RFXAP: variants seen among roughly 807,000 people sequenced by gnomAD.
The protein encoded by RFXAP is regulatory factor X-associated protein.
Under a neutral mutation model 25.7 loss-of-function variants are expected in RFXAP, and 21 were observed. That is an observed-to-expected ratio of 0.82 (90% CI 0.58 to 1.18). RFXAP has a LOEUF of 1.18. RFXAP is among the 50% of genes most tolerant of loss of function. The pLI, the probability that RFXAP is intolerant of heterozygous loss-of-function variation, is 0.00. For missense variants in RFXAP, 333 were observed against 363.0 expected, an observed-to-expected ratio of 0.92 and a Z score of 0.67; for synonymous variants, 161 against 152.2, an observed-to-expected ratio of 1.06 and a Z score of -0.43.
chr13:36,822,986 C>T (rs934758746), intron 1 of RFXAP, among the ~76,000 whole-genome samples: 1 of 152,154 alleles, frequency 6.6e-6, no homozygotes, highest in African/African-American at 2.4e-5. Context: ...GGAAACGTGA[C>T]TCAGTATAAA....
chr13:36,826,947 C>T (rs1051828009), intron 2 of RFXAP, among the ~76,000 whole-genome samples: 1 of 152,056 alleles, frequency 6.6e-6, no homozygotes, highest in Admixed American at 6.6e-5. Context: ...GCTATGCTCA[C>T]GCCACTGCAC....
intron 1 of RFXAP, among the ~76,000 whole-genome samples, chr13:36,821,074 G>A (rs184008307): frequency 3.2e-4 from 48 of 151,926 alleles, no homozygotes; most frequent in Non-Finnish European, 6.2e-4. Flanking sequence ...GCCAGGTATG[G>A]TGGCAAGTGC....
At chr13:36,820,697 A>C (rs1391832312) in intron 1 of RFXAP, among the ~76,000 whole-genome samples, 1 of 152,192 alleles carries the variant, frequency 6.6e-6, no homozygotes, top group Non-Finnish European at 1.5e-5. Context: ...AGTCTCAAAA[A>C]ACTTTTGGAT....
chr13:36,823,673 G>T (rs1313915243), intron 1 of RFXAP, among the ~76,000 whole-genome samples: 1 of 152,076 alleles, frequency 6.6e-6, no homozygotes, highest in Non-Finnish European at 1.5e-5. Context: ...AAAAATTAAA[G>T]AAATTAAGGT....
chr13:36,825,831 G>C (rs1593532305), intron 2 of RFXAP, among the ~76,000 whole-genome samples: 1 of 152,224 alleles, frequency 6.6e-6, no homozygotes, highest in Non-Finnish European at 1.5e-5. Flanking sequence ...GCAAAAATAT[G>C]TACAACAAAT....
Position 36,819,328 on chromosome 13 carries a change from G to A in RFXAP, c.-30G>A, listed in dbSNP as rs748771722. On this transcript the variant is annotated 5_prime_UTR_variant, in exon 1 of 3. Transcript: ENST00000255476. The stretch of plus-strand genomic sequence containing the variant: ...GGCCAAGCAGGTGCTAAAAGCCCGG[G>A]GTCGTGGACCCCGGCCAGGTCTTAG... 6.4e-6 allele frequency: 8 copies of A among 1,251,722 alleles called. No homozygotes were observed. The East Asian group carries it at 2.5e-4, about 39-fold the overall frequency. 77.5% of individuals were successfully genotyped at this position (1,251,722 alleles called of 1,614,324 possible). A position where few individuals can be genotyped will look rare whatever the true frequency, so the allele number is the denominator to read the frequency against.
intron 1 of RFXAP, among the ~76,000 whole-genome samples, chr13:36,821,233 A>T (rs1466745196): frequency 6.8e-6 from 1 of 148,012 alleles, no homozygotes; most frequent in Non-Finnish European, 1.5e-5. Flanking sequence ...AAAAAAAAAA[A>T]AAAAAAAAAT....
rs544867503 is a variant in RFXAP, at chr13:36,820,498, T to C, written c.600+541T>C. Among the ~76,000 whole-genome samples, 111 of 152,298 alleles carry C rather than the reference T, an allele frequency of 7.3e-4. 2 individuals carry two copies. Among genetic ancestry groups the C allele is most frequent in the African/African-American group, 2.5e-3 (105 of 41,532 alleles). ...CTCAGTTGCCTGTCTGTAGTACCCC[T>C]GTACGTAGTACTCTTTTCTTACAAC... On this transcript the variant is annotated intron_variant, in intron 1 of 2. Transcript: ENST00000255476.
chr13:36,820,497 C>A (rs1400618684), intron 1 of RFXAP, among the ~76,000 whole-genome samples: 1 of 152,098 alleles, frequency 6.6e-6, no homozygotes, highest in Non-Finnish European at 1.5e-5. Flanking sequence ...TGTAGTACCC[C>A]TGTACGTAGT....
Position 36,825,414 on chromosome 13 carries a change from A to T in RFXAP, c.601-14A>T. ...TAACTGTTTATCTATTTGCATTTTT[A>T]TCATTTATCCCAGGAAAGTGCAGAT... is the stretch of plus-strand genomic sequence containing the variant. On this transcript the variant is annotated splice_polypyrimidine_tract_variant and intron_variant, in intron 1 of 2. Transcript: ENST00000255476. The T allele has an allele frequency of 1.3e-6, 2 of 1,575,792 alleles. No homozygotes were observed. The highest frequency in any genetic ancestry group is 1.7e-6 in the Non-Finnish European group (2 of 1,146,640).
intron 2 of RFXAP, among the ~76,000 whole-genome samples, chr13:36,825,860 C>A (rs1046376085): frequency 2.0e-5 from 3 of 151,866 alleles, no homozygotes; most frequent in African/African-American, 7.3e-5. Flanking sequence ...CTATGGTTAA[C>A]GTGTCTGGTA....
intron 1 of RFXAP, among the ~76,000 whole-genome samples, chr13:36,821,972 A>G (rs1443694818): frequency 6.6e-6 from 1 of 152,238 alleles, no homozygotes; most frequent in East Asian, 1.9e-4. Flanking sequence ...TTAGGGAAAT[A>G]AGCATCTGGA....
chr13:36,822,357 G>A (rs2323116), intron 1 of RFXAP, among the ~76,000 whole-genome samples: 136,422 of 152,086 alleles, frequency 0.9, 61,423 homozygotes, highest in Non-Finnish European at 0.93. Flanking sequence ...CTGGGATTAC[G>A]GGTGAGACCC....
chr13:36,827,404 A>C (rs1318020378), intron 2 of RFXAP, among the ~76,000 whole-genome samples: 1 of 152,196 alleles, frequency 6.6e-6, no homozygotes, highest in African/African-American at 2.4e-5. Context: ...TTTTACACAA[A>C]GTCACCAATA....
In RFXAP at chr13:36,819,525, C is replaced by G; in HGVS notation, c.168C>G (p.Asp56Glu). Reference protein sequence around the residue: ...LLVMQPCAGQDEAAAPGGSVG... With the variant: ...LLVMQPCAGQEEAAAPGGSVG... ...TGATGCAACCCTGTGCTGGGCAGGA[C>G]GAGGCTGCGGCCCCCGGGGGCAGCG... The change falls in exon 1 of 3, where the codon GAC (aspartate) becomes GAG (glutamate). Residue 56 changes from aspartate to glutamate, a missense_variant. Transcript: ENST00000255476. The G allele has an allele frequency of 1.3e-6, 2 of 1,531,446 alleles. No individual in the cohort carries two copies. Among genetic ancestry groups the G allele is most frequent in the Non-Finnish European group, 1.8e-6 (2 of 1,137,342 alleles). The allele number at this position is 1,531,446 out of a possible 1,614,324, so 94.9% of individuals were successfully genotyped here.
chr13:36,826,456 T>C (rs2138218081), intron 2 of RFXAP, among the ~76,000 whole-genome samples: 1 of 152,316 alleles, frequency 6.6e-6, no homozygotes, highest in East Asian at 1.9e-4. Context: ...GAAATGGACA[T>C]TCTCAAGTAG....
chr13:36,820,888 T>C (rs1199126279), intron 1 of RFXAP, among the ~76,000 whole-genome samples: 4 of 152,184 alleles, frequency 2.6e-5, no homozygotes, highest in South Asian at 2.1e-4. Flanking sequence ...CCATTCCATA[T>C]TGAGGGTTCA....
At chr13:36,826,716 CTG>C (rs890470459) in intron 2 of RFXAP, among the ~76,000 whole-genome samples, 1 of 152,128 alleles carries the variant, frequency 6.6e-6, no homozygotes, top group Non-Finnish European at 1.5e-5. Context: ...TTAAATAAAA[CTG>C]TTTAATAAAT....
chr13:36,824,605 G>A (rs1045742637), intron 1 of RFXAP, among the ~76,000 whole-genome samples: 1 of 152,068 alleles, frequency 6.6e-6, no homozygotes, highest in Non-Finnish European at 1.5e-5. Context: ...TTTTGGATGT[G>A]GTATTGTGGC....
Sources: gnomAD v4.1 joint callset for allele counts (sites outside exome capture counted in the v4.1 genomes callset) on GRCh38, gnomAD v4.1.1 for gene constraint, MANE v1.5 for transcripts, NCBI Gene and HGNC (gene_info 2026-07-23, HGNC 2026-07-21) for gene names.